Variants in TBC1D9B observed in about 807,000 individuals in gnomAD.
TBC1D9B encodes TBC1 domain family, member 9B (with GRAM domain).
A neutral mutation model predicts 121.1 loss-of-function variants in TBC1D9B; 87 were observed. The observed-to-expected ratio is 0.72, with a 90% CI of 0.60 to 0.86. TBC1D9B has a LOEUF of 0.86. Among genes scored for constraint, TBC1D9B ranks in the 40% least tolerant of loss-of-function variants. The pLI, the probability that TBC1D9B is intolerant of heterozygous loss-of-function variation, is 0.00. For missense variants in TBC1D9B, 1,540 were observed against 1,628.6 expected (o/e 0.95, Z 0.94); for synonymous variants, 668 against 670.1 (o/e 1.00, Z 0.05).
At position 179,879,119 on chromosome 5, in the gene TBC1D9B, C is replaced by T. The variant is rs902887842; in HGVS notation, c.1495G>A (p.Ala499Thr). ...TTCAGGACCAGTGCCCGCGTCTTGG[C>T]TGTGCGGTACATGCACACGCCACGC... is the stretch of plus-strand genomic sequence containing the variant. ...YGRGVCMYRT[A>T]KTRALVLKGI... The change falls in exon 9 of 21, where the codon GCC becomes ACC. Residue 499 changes from alanine to threonine, a missense_variant. Transcript: ENST00000355235. 5 of 1,607,886 alleles carry T rather than the reference C, an allele frequency of 3.1e-6. No individual in the cohort carries two copies. In the Admixed American group the frequency reaches 8.3e-5, roughly 27 times the overall value.
rs1761102135 is a variant in TBC1D9B, at chr5:179,899,204, G to T, written c.333C>A (p.Val111=). ...TAAACCTTACGTGTATCTTGCCCTT[G>T]ACGAAGGTGGTGATATCTTCCTCAC... ...FDSEEDITTF[V]KGKIHGIIAE... The change falls in exon 3 of 21, where the codon GTC becomes GTA. Residue 111 remains valine (V), a synonymous_variant. Transcript: ENST00000355235. 6.2e-7 allele frequency: 1 copy of T among 1,612,462 alleles called. No homozygotes were observed. Among genetic ancestry groups the T allele is most frequent in the Middle Eastern group, 1.7e-4 (1 of 5,832 alleles).
chr5:179,873,503 AG>A (rs1480927492), intron 12 of TBC1D9B, among the ~76,000 whole-genome samples: 1 of 152,220 alleles, frequency 6.6e-6, no homozygotes, highest in African/African-American at 2.4e-5. Context: ...TTTCTTAGTC[AG>A]TGGGGGGGTC....
intron 2 of TBC1D9B, among the ~76,000 whole-genome samples, chr5:179,903,794 CCAAG>C (rs1761227194): frequency 1.3e-5 from 2 of 152,136 alleles, no homozygotes; most frequent in Non-Finnish European, 2.9e-5. Context: ...TTTTAAACAG[CCAAG>C]TCATCAGCAA....
Position 179,867,305 on chromosome 5 carries a change from T to C in TBC1D9B, c.2863+473A>G, listed in dbSNP as rs1037501265. The stretch of plus-strand genomic sequence containing the variant: ...GAGGCGGTGCAGAGGAGTGGCTTGC[T>C]TCTGGGTCCTTCTCAGAACTTATGC... On this transcript the variant is annotated intron_variant, in intron 18 of 20. Coordinates refer to ENST00000355235, the MANE Select transcript of TBC1D9B (RefSeq NM_015043.4). The C allele has an allele frequency of 4.1e-6, 4 of 976,064 alleles. No individual in the cohort carries two copies. The African/African-American group carries it at 6.6e-5, about 16-fold the overall frequency. 60.5% of individuals were successfully genotyped at this position (976,064 alleles called of 1,614,324 possible).
Position 179,867,772 on chromosome 5 carries a change from G to A in TBC1D9B, c.2863+6C>T, listed in dbSNP as rs367890812. 88 of 1,584,074 alleles carry A rather than the reference G, an allele frequency of 5.6e-5. No homozygotes were observed. The highest frequency in any genetic ancestry group is 6.6e-5 in the Non-Finnish European group (77 of 1,163,322). On this transcript the variant is annotated splice_donor_region_variant and intron_variant, in intron 18 of 20. Coordinates refer to ENST00000355235, the MANE Select transcript of TBC1D9B (RefSeq NM_015043.4). The stretch of plus-strand genomic sequence containing the variant: ...GGGCATGTCGGGTGTTCCAGTGGCC[G>A]CTCACCTTCTGAGGAGCTGTCCTCT...
chr5:179,863,094 G>T lies in TBC1D9B; in HGVS notation c.*354C>A. On this transcript the variant is annotated 3_prime_UTR_variant, in exon 21 of 21. Transcript: ENST00000355235. The surrounding 1 kb of genome is among the most constrained non-coding windows in gnomAD (Gnocchi z 4.5). ...CATCCACGGATGGAGGGACTCAGCT[G>T]GCCTGGCCGCAGTGTGGAGCACAGA... is the stretch of plus-strand genomic sequence containing the variant. 1 of 286,558 alleles carries T rather than the reference G, an allele frequency of 3.5e-6. No individual in the cohort carries two copies. The highest frequency in any genetic ancestry group is 6.7e-6 in the Non-Finnish European group (1 of 149,650). The allele number at this position is 286,558 out of a possible 1,614,324, so 17.8% of individuals were successfully genotyped here.
At chr5:179,893,132 T>C (rs1760910719) in intron 5 of TBC1D9B, 77 bp downstream of exon 5, 3 of 1,520,458 alleles carry the variant, frequency 2.0e-6, no homozygotes, top group Non-Finnish European at 2.6e-6. Flanking sequence ...GTCTACACAC[T>C]TGGACCAGGC....
rs1488704937 is a variant in TBC1D9B, at chr5:179,878,347, C to G, written c.1744G>C (p.Ala582Pro). Residue 582 changes from alanine (A) to proline (P), a missense_variant, in exon 10 of 21, where the codon GCC (alanine) becomes CCC (proline). Transcript: ENST00000355235. ...ATGGTGGGGTTTCGGAAGGCATAGG[C>G]AGTCAGCACCCGCCGGAGGGCAGCA... ...GIAALRRVLT[A>P]YAFRNPTIGY... The G allele has an allele frequency of 1.9e-6, 3 of 1,613,828 alleles. No individual in the cohort carries two copies. The highest frequency in any genetic ancestry group is 2.5e-6 in the Non-Finnish European group (3 of 1,179,958).
In TBC1D9B at chr5:179,872,914, T is replaced by TC; in HGVS notation, c.2392dup (p.Glu798GlyfsTer21). 6.5e-7 allele frequency: 1 copy of TC among 1,531,436 alleles called. No individual in the cohort carries two copies. Among genetic ancestry groups the TC allele is most frequent in the Non-Finnish European group, 8.8e-7 (1 of 1,138,016 alleles). The allele number at this position is 1,531,436 out of a possible 1,614,324, so 94.9% of individuals were successfully genotyped here. ...TACCACACTCCTCTTGGCCGTGTCC[T>TC]CCAAGGACTGGATCACTTTCAGCCT... is the stretch of plus-strand genomic sequence containing the variant. On this transcript the variant is annotated frameshift_variant, in exon 14 of 21. Coordinates refer to ENST00000355235, the MANE Select transcript of TBC1D9B (RefSeq NM_015043.4). LOFTEE classifies it high-confidence loss of function.
chr5:179,878,821 C>T (rs1296900857), intron 9 of TBC1D9B, among the ~76,000 whole-genome samples: 3 of 152,208 alleles, frequency 2.0e-5, no homozygotes, highest in Non-Finnish European at 4.4e-5. Context: ...GGGCACCACC[C>T]GGCCAGCAGA....
intron 3 of TBC1D9B, among the ~76,000 whole-genome samples, chr5:179,896,679 T>C (rs1761025073): frequency 1.3e-5 from 2 of 152,034 alleles, no homozygotes; most frequent in East Asian, 3.9e-4. Context: ...CGCGACACCA[T>C]GCCCAGCTAA....
Position 179,893,295 on chromosome 5 carries a change from C to A in TBC1D9B, c.750G>T (p.Arg250=). Residue 250 remains arginine (R), a synonymous_variant, in exon 5 of 21, where the codon CGG becomes CGT. Coordinates refer to ENST00000355235, the MANE Select transcript of TBC1D9B (RefSeq NM_015043.4). ...GGAAGCCCTCGCTGTCCAGCAGCTG[C>A]CGCATGGCCAGGTTGGCCAACTGCT... ...LMEQLANLAM[R]QLLDSEGFLE... 6.2e-7 allele frequency: 1 copy of A among 1,614,088 alleles called. No homozygotes were observed. Among genetic ancestry groups the A allele is most frequent in the Non-Finnish European group, 8.5e-7 (1 of 1,180,046 alleles).
At position 179,899,317 on chromosome 5, in the gene TBC1D9B, G is replaced by A. The variant is rs778820566; in HGVS notation, c.230-10C>T. The A allele has an allele frequency of 6.2e-7, 1 of 1,608,864 alleles. No homozygotes were observed. The highest frequency in any genetic ancestry group is 8.5e-7 in the Non-Finnish European group (1 of 1,176,692). On this transcript the variant is annotated splice_polypyrimidine_tract_variant and intron_variant, in intron 2 of 20. Transcript: ENST00000355235. ...TCTTTGCGGGAAGAACCTAGAAGAG[G>A]TTTGGTAAAGTAAAAGAAAAATCAT...
rs1760877466 is a variant in TBC1D9B at position 179,891,857 on chromosome 5, A to G, written c.837-271T>C. On this transcript the variant is annotated intron_variant, in intron 5 of 20. Transcript: ENST00000355235. This position sits in a 1 kb window ranked among gnomAD's most constrained non-coding sequence, Gnocchi z 4.3. The stretch of plus-strand genomic sequence containing the variant: ...AGACTGCTTTGAAAAGGACACACCT[A>G]GATGCTGGCCTGGGCAATGTGCAAC... Among the ~76,000 whole-genome samples the G allele has an allele frequency of 6.6e-6, 1 of 152,196 alleles. No individual in the cohort carries two copies. Among genetic ancestry groups the G allele is most frequent in the Non-Finnish European group, 1.5e-5 (1 of 68,016 alleles).
intron 2 of TBC1D9B, among the ~76,000 whole-genome samples, chr5:179,903,362 C>T (rs1761215572): frequency 6.6e-6 from 1 of 152,240 alleles, no homozygotes; most frequent in South Asian, 2.1e-4. Flanking sequence ...TCAGAGCAAA[C>T]TCAACCCAGC....
chr5:179,867,337 G>A (rs1282709425), intron 18 of TBC1D9B: 1 of 1,249,238 alleles, frequency 8.0e-7, no homozygotes, highest in Non-Finnish European at 1.1e-6. Context: ...ATGCCCCAGA[G>A]GATGAAGTCC....
chr5:179,888,891 G>A (rs1286027019), intron 6 of TBC1D9B, among the ~76,000 whole-genome samples: 1 of 152,102 alleles, frequency 6.6e-6, no homozygotes, highest in Non-Finnish European at 1.5e-5. Flanking sequence ...GCTGAGACCT[G>A]GTCCAGCCAG....
At chr5:179,893,639 A>G (rs1194488481) in intron 4 of TBC1D9B, among the ~76,000 whole-genome samples, 172 bp from the exon 5 acceptor site, 1 of 152,014 alleles carries the variant, frequency 6.6e-6, no homozygotes, top group East Asian at 1.9e-4. Context: ...GGACCAGGCC[A>G]CTGAGGTGTC....
At chr5:179,903,583 C>A (rs1761222485) in intron 2 of TBC1D9B, among the ~76,000 whole-genome samples, 4 of 152,334 alleles carry the variant, frequency 2.6e-5, no homozygotes. Context: ...TGTCGACTGA[C>A]CGATACATAA....
Sources: allele counts gnomAD v4.1 joint callset (sites outside exome capture counted in the v4.1 genomes callset), GRCh38; gene constraint gnomAD v4.1.1; non-coding constraint Gnocchi (gnomAD v3.1); transcripts MANE v1.5; gene names NCBI Gene and HGNC (gene_info 2026-07-23, HGNC 2026-07-21).